CACNA1E: variants seen among roughly 807,000 people sequenced by gnomAD.
CACNA1E encodes the protein voltage-dependent R-type calcium channel subunit alpha-1E.
Under a neutral mutation model 259.2 loss-of-function variants are expected in CACNA1E, and 40 were observed. The observed-to-expected ratio is 0.15, with a 90% CI of 0.12 to 0.20. The LOEUF (loss-of-function observed/expected upper bound fraction) is 0.20. Among genes scored for constraint, CACNA1E ranks in the 10% least tolerant of loss-of-function variants. The probability of loss-of-function intolerance (pLI) is 1.00; values close to 1 mark genes in which losing one functional copy is unlikely to be tolerated. For missense variants in CACNA1E, 1,874 were observed against 3,040.1 expected (o/e 0.62, Z 9.02); for synonymous variants, 1,104 against 1,138.5 (o/e 0.97, Z 0.61).
intron 2 of CACNA1E, among the ~76,000 whole-genome samples, chr1:181,440,191 A>G (rs1054020415): frequency 6.6e-6 from 1 of 152,170 alleles, no homozygotes; most frequent in Non-Finnish European, 1.5e-5. Flanking sequence ...TTTAGGTTGC[A>G]TGAGTGTGCG....
Position 181,510,466 on chromosome 1 carries a change from C to A in CACNA1E, c.267-11C>A. ...CTCTGGTGAATTTGTTCCTTAACTC[C>A]GCTTTCCCACGCCATTTGAGTACAT... is the stretch of plus-strand genomic sequence containing the variant. On this transcript the variant is annotated splice_polypyrimidine_tract_variant and intron_variant, in intron 1 of 47. Transcript: ENST00000367573. 2.5e-6 allele frequency: 4 copies of A among 1,604,236 alleles called. No homozygotes were observed. The highest frequency in any genetic ancestry group is 3.4e-6 in the Non-Finnish European group (4 of 1,171,070).
At chr1:181,417,823 C>A (rs532619618) in intron 2 of CACNA1E, among the ~76,000 whole-genome samples, 13 of 152,334 alleles carry the variant, frequency 8.5e-5, no homozygotes, top group African/African-American at 3.1e-4. Context: ...CAGGCTCCAT[C>A]CACTGCACTG....
intron 1 of CACNA1E, among the ~76,000 whole-genome samples, chr1:181,326,382 A>G (rs1265930641): frequency 6.6e-6 from 1 of 152,180 alleles, no homozygotes. Flanking sequence ...TCTTAGTGCT[A>G]ATTCCTGTCC....
Position 181,483,764 on chromosome 1 carries a change from C to T in CACNA1E, c.20C>T (p.Ala7Val). ...CTCAGGATGGCTCGCTTCGGGGAGGCGGTGGTCGCCAGGCCAGGGTCCGGC... is the reference window on the plus strand; with the variant it reads ...CTCAGGATGGCTCGCTTCGGGGAGGTGGTGGTCGCCAGGCCAGGGTCCGGC... MARFGE[A>V]VVARPGSGDG... The change falls in exon 1 of 48, where the codon GCG becomes GTG. Residue 7 changes from alanine to valine, a missense_variant. Physicochemically the swap from Ala to Val is moderately conservative, Grantham distance 64 (BLOSUM62 0). This residue lies in a region of CACNA1E where 110 missense variants were observed against 122.8 expected (regional missense o/e 0.90). Transcript: ENST00000367573. 6.2e-7 allele frequency: 1 copy of T among 1,608,286 alleles called. No homozygotes were observed. Among genetic ancestry groups the T allele is most frequent in the Non-Finnish European group, 8.5e-7 (1 of 1,177,220 alleles).
intron 3 of CACNA1E, among the ~76,000 whole-genome samples, chr1:181,549,095 A>G (rs998431063): frequency 1.3e-5 from 2 of 152,208 alleles, no homozygotes; most frequent in Non-Finnish European, 2.9e-5. Context: ...GCATTTTACA[A>G]ATAAAAAAGT....
Position 181,690,770 on chromosome 1 carries a change from CTCTG to C in CACNA1E, c.1056-20180_1056-20177del, listed in dbSNP as rs572018157. ...ATGGGAGGTCACTCATGATTTGGCT[CTCTG>C]TCTATTATTGGTGTATAGGAATGCT... On this transcript the variant is annotated intron_variant, in intron 7 of 47. Transcript: ENST00000367573. Among the ~76,000 whole-genome samples the C allele has an allele frequency of 6.4e-4, 98 of 152,102 alleles. 1 individual carries two copies. The highest frequency in any genetic ancestry group is 2.3e-3 in the East Asian group (12 of 5,176).
At chr1:181,709,500 C>T (rs1407103795) in intron 7 of CACNA1E, among the ~76,000 whole-genome samples, 1 of 152,220 alleles carries the variant, frequency 6.6e-6, no homozygotes, top group Non-Finnish European at 1.5e-5. Context: ...TTATGGTAGA[C>T]TGGCGTCTTC....
At chr1:181,731,620 G>T (rs1655486654) in intron 19 of CACNA1E, among the ~76,000 whole-genome samples, 1 of 152,126 alleles carries the variant, frequency 6.6e-6, no homozygotes, top group Non-Finnish European at 1.5e-5. Flanking sequence ...ACAGGCACAG[G>T]CTCAGGGAGG....
chr1:181,524,688 A>G (rs1450173330), intron 3 of CACNA1E, among the ~76,000 whole-genome samples: 2 of 152,210 alleles, frequency 1.3e-5, no homozygotes, highest in African/African-American at 4.8e-5. Flanking sequence ...GGAAAGAGAG[A>G]GTAAGAATAA....
At chr1:181,793,838 A>G (rs760450483) in intron 45 of CACNA1E, 45 bp downstream of exon 45, 2 of 1,590,308 alleles carry the variant, frequency 1.3e-6, no homozygotes, top group Non-Finnish European at 8.6e-7. Context: ...TCCGGGCTGT[A>G]TTAGCTGGGT....
At chr1:181,489,382 AG>A (rs1664122222) in intron 1 of CACNA1E, among the ~76,000 whole-genome samples, 1 of 152,154 alleles carries the variant, frequency 6.6e-6, no homozygotes, top group Admixed American at 6.5e-5. Context: ...CAGAAAAGGA[AG>A]GTTATTTGTC....
At chr1:181,766,772 T>C (rs1170791973) in intron 35 of CACNA1E, among the ~76,000 whole-genome samples, 161 bp downstream of exon 35, 2 of 152,224 alleles carry the variant, frequency 1.3e-5, no homozygotes, top group Non-Finnish European at 1.5e-5. Flanking sequence ...GAATTTCACA[T>C]GTGCAGTGGC....
At position 181,800,987 on chromosome 1, in the gene CACNA1E, A is replaced by G. The variant is rs1331130736; in HGVS notation, c.*2153A>G. On this transcript the variant is annotated 3_prime_UTR_variant, in exon 48 of 48. Coordinates refer to ENST00000367573, the MANE Select transcript of CACNA1E (RefSeq NM_001205293.3). Reference sequence around the variant, plus strand: ...ACATGTGTGCTTGAGGGTGGCTGGGAATGTGATATACAGCACCCTGATCCT... The same window carrying G: ...ACATGTGTGCTTGAGGGTGGCTGGGGATGTGATATACAGCACCCTGATCCT... The G allele has an allele frequency of 1.3e-5, 2 of 152,618 alleles. No individual in the cohort carries two copies. Among genetic ancestry groups the G allele is most frequent in the African/African-American group, 4.8e-5 (2 of 41,440 alleles). 9.5% of individuals were successfully genotyped at this position (152,618 alleles called of 1,614,324 possible).
intron 1 of CACNA1E, among the ~76,000 whole-genome samples, chr1:181,323,904 C>A (rs1331147831): frequency 6.6e-6 from 1 of 152,186 alleles, no homozygotes; most frequent in African/African-American, 2.4e-5. Flanking sequence ...TTCATCCAGG[C>A]AAGGAAAGCC....
Position 181,451,737 on chromosome 1 carries a change from A to G in CACNA1E, c.435-32007A>G, listed in dbSNP as rs141500426. Among the ~76,000 whole-genome samples the G allele has an allele frequency of 2.3e-3, 356 of 152,338 alleles. 2 individuals carry two copies. The highest frequency in any genetic ancestry group is 8.2e-3 in the African/African-American group (341 of 41,576). ...GTCATAGCTAGCAATGTTTTATTTGAGAGTCACCACCTAAAGGGTAAAGCC... is the reference window on the plus strand; with the variant it reads ...GTCATAGCTAGCAATGTTTTATTTGGGAGTCACCACCTAAAGGGTAAAGCC... On this transcript the variant is annotated intron_variant, in intron 2 of 11. Coordinates refer to the CACNA1E transcript ENST00000524607.
chr1:181,622,221 C>T (rs1231917764), intron 6 of CACNA1E, among the ~76,000 whole-genome samples: 1 of 152,178 alleles, frequency 6.6e-6, no homozygotes, highest in Non-Finnish European at 1.5e-5. Context: ...ATTTCCTTCC[C>T]CTGCGAGTCT....
chr1:181,624,439 A>T (rs1656007695), intron 6 of CACNA1E, among the ~76,000 whole-genome samples: 4 of 152,216 alleles, frequency 2.6e-5, no homozygotes, highest in Admixed American at 2.6e-4. Flanking sequence ...CAATCCTCTC[A>T]AACCCTGCTG....
chr1:181,529,439 G>A (rs1328852725), intron 3 of CACNA1E, among the ~76,000 whole-genome samples: 2 of 152,252 alleles, frequency 1.3e-5, no homozygotes, highest in Non-Finnish European at 1.5e-5. Flanking sequence ...CGGGGGCACT[G>A]CCTAGTGGAA....
intron 6 of CACNA1E, among the ~76,000 whole-genome samples, chr1:181,623,972 C>A (rs1335661216): frequency 6.6e-6 from 1 of 152,198 alleles, no homozygotes; most frequent in Non-Finnish European, 1.5e-5. Context: ...ATTTGCCATA[C>A]AGTTCTGCAA....
Sources: gnomAD v4.1 joint callset for allele counts (sites outside exome capture counted in the v4.1 genomes callset) on GRCh38, gnomAD v4.1.1 for gene constraint, gnomAD v4.1.1 regional missense constraint, MANE v1.5 for transcripts, NCBI Gene and HGNC (gene_info 2026-07-23, HGNC 2026-07-21) for gene names.